Variants in ID4 observed in about 807,000 individuals in gnomAD.
ID4 encodes the protein inhibitor of DNA binding 4, also known as DNA-binding protein inhibitor ID-4.
ID4 carries 9 observed loss-of-function variants against 8.6 expected under a neutral mutation model. The observed-to-expected ratio is 1.04, with a 90% CI of 0.63 to 1.82. The LOEUF (loss-of-function observed/expected upper bound fraction) is 1.82. Among genes scored for constraint, ID4 ranks in the 40% most tolerant of loss-of-function variants. The pLI is 0.00. For missense variants in ID4, 270 were observed against 235.1 expected (o/e 1.15, Z -0.97); for synonymous variants, 180 against 118.0 (o/e 1.53, Z -3.41).
chr6:19,837,851 C>T lies in ID4; in HGVS notation c.97C>T (p.His33Tyr). ...LALRCLAEHG[H>Y]SLGGSAAAAA... ...GCTGCGCTGCCTGGCCGAGCACGGC[C>T]ACAGCCTGGGTGGCTCCGCAGCCGC... The change falls in exon 1 of 3, where the codon CAC (histidine) becomes TAC (tyrosine). Residue 33 changes from histidine (H) to tyrosine (Y), a missense_variant. His to Tyr is a moderately conservative substitution (Grantham distance 83, BLOSUM62 2). This residue lies in a region of ID4 where 160 missense variants were observed against 131.5 expected (regional missense o/e 1.22). Transcript: ENST00000378700. 1 of 1,213,030 alleles carries T rather than the reference C, an allele frequency of 8.2e-7. No individual in the cohort carries two copies. The highest frequency in any genetic ancestry group is 1.0e-6 in the Non-Finnish European group (1 of 975,310). 75.1% of individuals were successfully genotyped at this position (1,213,030 alleles called of 1,614,324 possible).
At position 19,840,420 on chromosome 6, in the gene ID4, G is replaced by A. The variant is rs1467416906; in HGVS notation, c.*1225G>A. 6.6e-6 allele frequency: 1 copy of A among 152,446 alleles called. No individual in the cohort carries two copies. The highest frequency in any genetic ancestry group is 1.5e-5 in the Non-Finnish European group (1 of 67,984). The allele number at this position is 152,446 out of a possible 1,614,324, so 9.4% of individuals were successfully genotyped here. On this transcript the variant is annotated 3_prime_UTR_variant, in exon 3 of 3. Coordinates refer to ENST00000378700, the MANE Select transcript of ID4 (RefSeq NM_001546.4). Reference sequence around the variant, plus strand: ...TACCAAAGGACAAACTCTTGGAAATGAACACTTTCTGCTTTCCTTCCTCCA... The same window carrying A: ...TACCAAAGGACAAACTCTTGGAAATAAACACTTTCTGCTTTCCTTCCTCCA...
At position 19,840,495 on chromosome 6, in the gene ID4, C is replaced by G. The variant is rs1355942920; in HGVS notation, c.*1300C>G. The G allele has an allele frequency of 1.3e-5, 2 of 152,516 alleles. No individual in the cohort carries two copies. The highest frequency in any genetic ancestry group is 6.5e-5 in the Admixed American group (1 of 15,270). 9.4% of individuals were successfully genotyped at this position (152,516 alleles called of 1,614,324 possible). A position where few individuals can be genotyped will look rare whatever the true frequency, so the allele number is the denominator to read the frequency against. The stretch of plus-strand genomic sequence containing the variant: ...GAAAAAAAAGGCATAATGGCAAATC[C>G]TTCAAGCAGGGATAAAAGTCGATCT... On this transcript the variant is annotated 3_prime_UTR_variant, in exon 3 of 3. Coordinates refer to ENST00000378700, the MANE Select transcript of ID4 (RefSeq NM_001546.4).
intron 2 of ID4, chr6:19,838,884 T>C (rs1406218157): frequency 1.8e-6 from 1 of 556,958 alleles, no homozygotes; most frequent in African/African-American, 1.9e-5. Context: ...CCCGTGTTTT[T>C]TCTGGTGGTC....
Position 19,838,604 on chromosome 6 carries a change from G to A in ID4, c.462G>A (p.Gln154=). 6.2e-7 allele frequency: 1 copy of A among 1,614,012 alleles called. No homozygotes were observed. The highest frequency in any genetic ancestry group is 8.5e-7 in the Non-Finnish European group (1 of 1,179,908). ...TCCAGGCCGGCGCGGTGAACAAGCA[G>A]GGCGACAGCATTCTGTGCCGCTGAG... ...NTDPAGAVNK[Q]GDSILCR Residue 154 remains glutamine (Q), a synonymous_variant, in exon 2 of 3, where the codon CAG becomes CAA. Transcript: ENST00000378700.
At position 19,837,536 on chromosome 6, in the gene ID4, T is replaced by G. The variant is rs773918674; in HGVS notation, c.-219T>G. The G allele has an allele frequency of 2.8e-5, 6 of 214,936 alleles. No homozygotes were observed. Among genetic ancestry groups the G allele is most frequent in the African/African-American group, 4.7e-5 (2 of 42,600 alleles). The allele number at this position is 214,936 out of a possible 1,614,324, so 13.3% of individuals were successfully genotyped here. On this transcript the variant is annotated 5_prime_UTR_variant, in exon 1 of 3. Coordinates refer to ENST00000378700, the MANE Select transcript of ID4 (RefSeq NM_001546.4). ...CCGGTGCTTTTGCTTTTTTTTTCCT[T>G]TGGGCTCGGGCTGAGTGTCGCCCAC...
chr6:19,839,502 A>T lies in ID4; in HGVS notation c.*307A>T, dbSNP rs1761311497. ...AGTTAAACTTTTAAGCTTAAGTGTG[A>T]CAGGACTGATAAATAGAAGATCAAG... On this transcript the variant is annotated 3_prime_UTR_variant, in exon 3 of 3. Coordinates refer to ENST00000378700, the MANE Select transcript of ID4 (RefSeq NM_001546.4). 1 of 152,652 alleles carries T rather than the reference A, an allele frequency of 6.6e-6. No homozygotes were observed. Among genetic ancestry groups the T allele is most frequent in the Admixed American group, 6.5e-5 (1 of 15,290 alleles). The allele number at this position is 152,652 out of a possible 1,614,324, so 9.5% of individuals were successfully genotyped here. A position where few individuals can be genotyped will look rare whatever the true frequency, so the allele number is the denominator to read the frequency against.
chr6:19,838,530 A>AGC lies in ID4; in HGVS notation c.442-50_442-49dup, dbSNP rs942611655. The AGC allele has an allele frequency of 4.7e-4, 758 of 1,611,292 alleles. 3 individuals are homozygous for AGC. Among genetic ancestry groups the AGC allele is most frequent in the Non-Finnish European group, 3.7e-5 (43 of 1,177,558 alleles). On this transcript the variant is annotated intron_variant, in intron 1 of 2. Transcript: ENST00000378700. ...CCGAGGACAATCCAGGACCGTGTCG[A>AGC]GCGCGTTGTTTGCGCCTGCTAACCT...
At position 19,837,894 on chromosome 6, in the gene ID4, C is replaced by A; in HGVS notation, c.140C>A (p.Ala47Glu). The A allele has an allele frequency of 7.5e-7, 1 of 1,332,134 alleles. No individual in the cohort carries two copies. 82.5% of individuals were successfully genotyped at this position (1,332,134 alleles called of 1,614,324 possible). Residue 47 changes from alanine to glutamate, a missense_variant, in exon 1 of 3, where the codon GCA becomes GAA. Around this residue, in one of 3 missense-constraint regions of ID4, gnomAD observed 160 missense variants for 131.5 expected, o/e 1.22. Transcript: ENST00000378700. ...GSAAAAAAAAAARCKAAEAAA... is the reference protein window; with the variant it reads ...GSAAAAAAAAEARCKAAEAAA... Reference sequence around the variant, plus strand: ...GCAGCCGCGGCGGCGGCGGCGGCGGCAGCGCGCTGTAAGGCGGCCGAGGCG... The same window carrying A: ...GCAGCCGCGGCGGCGGCGGCGGCGGAAGCGCGCTGTAAGGCGGCCGAGGCG...
In ID4 at chr6:19,837,627, G is replaced by C; in HGVS notation, c.-128G>C. 9.6e-6 allele frequency: 5 copies of C among 520,826 alleles called. No homozygotes were observed. Among genetic ancestry groups the C allele is most frequent in the Non-Finnish European group, 1.3e-5 (5 of 388,664 alleles). The allele number at this position is 520,826 out of a possible 1,614,324, so 32.3% of individuals were successfully genotyped here. ...GTCAATTGTTGGGCTCGGGAGTGTC[G>C]CGGTGCCCCGAGCGCGCCGGGCGCG... On this transcript the variant is annotated 5_prime_UTR_variant, in exon 1 of 3. Transcript: ENST00000378700.
Position 19,839,852 on chromosome 6 carries a change from A to G in ID4, c.*657A>G, listed in dbSNP as rs1380977224. ...TTATGTGTGTGTTTTTTTTTAATCT[A>G]TGGGAATATTTCTTTTGGAAAATCA... is the stretch of plus-strand genomic sequence containing the variant. On this transcript the variant is annotated 3_prime_UTR_variant, in exon 3 of 3. Transcript: ENST00000378700. 2.6e-5 allele frequency: 4 copies of G among 151,918 alleles called. No individual in the cohort carries two copies. Among genetic ancestry groups the G allele is most frequent in the African/African-American group, 7.3e-5 (3 of 41,362 alleles). The allele number at this position is 151,918 out of a possible 1,614,324, so 9.4% of individuals were successfully genotyped here. A position where few individuals can be genotyped will look rare whatever the true frequency, so the allele number is the denominator to read the frequency against.
chr6:19,838,646 A>G lies in ID4; in HGVS notation c.*14+4A>G, dbSNP rs1488733020. On this transcript the variant is annotated splice_donor_region_variant and intron_variant, in intron 2 of 2. Transcript: ENST00000378700. ...GCCGCTGAGCCGCGCTGTCCAGGTG[A>G]GCGCGCATTTCCCGTCTCGGGTGGC... The G allele has an allele frequency of 6.2e-7, 1 of 1,612,520 alleles. No homozygotes were observed. The highest frequency in any genetic ancestry group is 8.5e-7 in the Non-Finnish European group (1 of 1,179,318).
In ID4 at chr6:19,840,497, T is replaced by A. The variant is rs2113468049; in HGVS notation, c.*1302T>A. On this transcript the variant is annotated 3_prime_UTR_variant, in exon 3 of 3. Coordinates refer to ENST00000378700, the MANE Select transcript of ID4 (RefSeq NM_001546.4). ...AAAAAAAGGCATAATGGCAAATCCTTCAAGCAGGGATAAAAGTCGATCTTC... is the reference window on the plus strand; with the variant it reads ...AAAAAAAGGCATAATGGCAAATCCTACAAGCAGGGATAAAAGTCGATCTTC... 2 of 152,692 alleles carry A rather than the reference T, an allele frequency of 1.3e-5. No individual in the cohort carries two copies. Among genetic ancestry groups the A allele is most frequent in the East Asian group, 3.9e-4 (2 of 5,184 alleles). The allele number at this position is 152,692 out of a possible 1,614,324, so 9.5% of individuals were successfully genotyped here.
chr6:19,838,309 C>A, intron 1 of ID4, 114 bp downstream of exon 1: 1 of 1,072,880 alleles, frequency 9.3e-7, no homozygotes, highest in Non-Finnish European at 1.2e-6. Context: ...CCAGGAATGA[C>A]AGCCCCCTCC....
intron 2 of ID4, chr6:19,838,859 C>T (rs776587363): frequency 2.1e-4 from 117 of 566,478 alleles, no homozygotes; most frequent in Non-Finnish European, 3.1e-4. Context: ...CGGGTCAGCC[C>T]TTGTCCCCGC....
Position 19,842,113 on chromosome 6 carries a change from C to A in ID4, c.*2918C>A, listed in dbSNP as rs1227064798. 1.3e-5 allele frequency among the ~76,000 whole-genome samples: 2 copies of A among 152,144 alleles called. No individual in the cohort carries two copies. The highest frequency in any genetic ancestry group is 4.8e-5 in the African/African-American group (2 of 41,422). ...CAAGTTTATTGTCAAGCTTTAACTG[C>A]CTTTTTAGAACTTTTTAAAATTTCG... On this transcript the variant is annotated 3_prime_UTR_variant, in exon 3 of 3. Transcript: ENST00000378700.
rs1404030139 is a variant in ID4 at position 19,838,169 on chromosome 6, C to T, written c.415C>T (p.Pro139Ser). 2.7e-6 allele frequency: 4 copies of T among 1,497,616 alleles called. No homozygotes were observed. The highest frequency in any genetic ancestry group is 2.2e-5 in the Admixed American group (1 of 45,380). 92.8% of individuals were successfully genotyped at this position (1,497,616 alleles called of 1,614,324 possible). A position where few individuals can be genotyped will look rare whatever the true frequency, so the allele number is the denominator to read the frequency against. ...GTCPAAPPRT[P>S]LTALNTDPAG... ...CTGTCCAGCCGCGCCGCCGCGGACCCCGCTCACTGCGCTCAACACCGACCC... is the reference window on the plus strand; with the variant it reads ...CTGTCCAGCCGCGCCGCCGCGGACCTCGCTCACTGCGCTCAACACCGACCC... The change falls in exon 1 of 3, where the codon CCG becomes TCG. Residue 139 changes from proline to serine, a missense_variant. Transcript: ENST00000378700.
rs1761277325 is a variant in ID4 at position 19,838,433 on chromosome 6, G to A, written c.442-151G>A. 3 of 1,144,710 alleles carry A rather than the reference G, an allele frequency of 2.6e-6. No homozygotes were observed. The South Asian group carries it at 4.0e-5, about 15-fold the overall frequency. The allele number at this position is 1,144,710 out of a possible 1,614,324, so 70.9% of individuals were successfully genotyped here. A position where few individuals can be genotyped will look rare whatever the true frequency, so the allele number is the denominator to read the frequency against. The stretch of plus-strand genomic sequence containing the variant: ...GGCTGTGGGCGCCCTGGGCTGTCAA[G>A]TCCCGCCTGAGCCCGGAGGGGCCCC... On this transcript the variant is annotated intron_variant, in intron 1 of 2. Transcript: ENST00000378700.
chr6:19,838,505 C>G, intron 1 of ID4, 79 bp from the exon 2 acceptor site: 5 of 1,587,652 alleles, frequency 3.1e-6, no homozygotes, highest in Non-Finnish European at 4.3e-6. Context: ...AGCCTGATTT[C>G]CGAGGACAAT....
At chr6:19,838,225 A>G (rs924920246) in intron 1 of ID4, 30 bp downstream of exon 1, 18 of 1,328,438 alleles carry the variant, frequency 1.4e-5, no homozygotes, top group South Asian at 2.1e-5. Flanking sequence ...CCGTGGGCGG[A>G]CGCCGCGGGG....
Sources: gnomAD v4.1 joint callset for allele counts (sites outside exome capture counted in the v4.1 genomes callset) on GRCh38, gnomAD v4.1.1 for gene constraint, gnomAD v4.1.1 regional missense constraint, MANE v1.5 for transcripts, NCBI Gene and HGNC (gene_info 2026-07-23, HGNC 2026-07-21) for gene names.